TDRD9: variants seen among roughly 807,000 people sequenced by gnomAD.
TDRD9 encodes tudor domain containing 9, also known as ATP-dependent RNA helicase TDRD9.
TDRD9 carries 124 observed loss-of-function variants against 172.6 expected under a neutral mutation model. The observed-to-expected ratio is 0.72, with a 90% CI of 0.62 to 0.83. TDRD9 has a LOEUF of 0.83. TDRD9 is among the 40% of genes least tolerant of loss of function. The pLI is 0.00. For missense variants in TDRD9, 1,479 were observed against 1,714.1 expected, an observed-to-expected ratio of 0.86 and a Z score of 2.42; for synonymous variants, 619 against 617.1, an observed-to-expected ratio of 1.00 and a Z score of -0.05.
intron 7 of TDRD9, among the ~76,000 whole-genome samples, chr14:103,977,884 C>T (rs2033318883): frequency 6.6e-6 from 1 of 152,130 alleles, no homozygotes; most frequent in Admixed American, 6.6e-5. Context: ...TTTTCTGCAT[C>T]TGGATATCCA....
At chr14:104,022,353 A>C (rs981290271) in intron 24 of TDRD9, 23 bp downstream of exon 24, 7 of 1,606,152 alleles carry the variant, frequency 4.4e-6, no homozygotes, top group African/African-American at 2.7e-5. Flanking sequence ...GGGAGGTGGC[A>C]GACAGGCCGT....
At chr14:103,956,288 A>G (rs1177126031) in intron 2 of TDRD9, among the ~76,000 whole-genome samples, 1 of 150,778 alleles carries the variant, frequency 6.6e-6, no homozygotes, top group East Asian at 1.9e-4. Flanking sequence ...AAATACAAAA[A>G]TTAGCTGGGT....
chr14:103,929,556 G>T (rs2030228520), intron 1 of TDRD9, among the ~76,000 whole-genome samples: 1 of 151,240 alleles, frequency 6.6e-6, no homozygotes, highest in African/African-American at 2.4e-5. Flanking sequence ...GTCTCACTTT[G>T]TTACCCAGGC....
At chr14:104,042,209 G>T (rs758393947) in intron 34 of TDRD9, 22 bp downstream of exon 34, 2 of 1,520,716 alleles carry the variant, frequency 1.3e-6, no homozygotes, top group South Asian at 1.1e-5. Context: ...GATGACGCGG[G>T]CTTCTTTTCT....
chr14:103,957,973 A>G (rs2032327160), intron 2 of TDRD9, among the ~76,000 whole-genome samples: 1 of 152,184 alleles, frequency 6.6e-6, no homozygotes, highest in Admixed American at 6.5e-5. Context: ...TTCTCTGGGC[A>G]GTCGGATCAA....
intron 28 of TDRD9, among the ~76,000 whole-genome samples, chr14:104,029,386 A>T (rs1449878436): frequency 1.3e-5 from 2 of 152,080 alleles, no homozygotes; most frequent in African/African-American, 2.4e-5. Flanking sequence ...CATTATAGAG[A>T]TCATTCACCT....
At chr14:104,033,242 C>T (rs570582555) in intron 30 of TDRD9, among the ~76,000 whole-genome samples, 2 of 152,304 alleles carry the variant, frequency 1.3e-5, no homozygotes, top group East Asian at 3.9e-4. Context: ...CCCCTAGGGC[C>T]TTCCAAATGA....
chr14:104,006,330 A>AG (rs2034435585), intron 15 of TDRD9, 59 bp from the exon 16 acceptor site: 1 of 1,448,638 alleles, frequency 6.9e-7, no homozygotes, highest in Non-Finnish European at 9.5e-7. Flanking sequence ...CTCCACCTTA[A>AG]GGGGAAGAAG....
chr14:104,044,743 A>G (rs188401960), intron 34 of TDRD9, among the ~76,000 whole-genome samples: 2 of 152,376 alleles, frequency 1.3e-5, no homozygotes, highest in African/African-American at 2.4e-5. Context: ...GAAAGCTGCT[A>G]TGAATAGTCA....
In TDRD9 at chr14:104,040,244, G is replaced by A. The variant is rs543866438; in HGVS notation, c.3765G>A (p.Gly1255=). 9 of 1,551,064 alleles carry A rather than the reference G, an allele frequency of 5.8e-6. No individual in the cohort carries two copies. The highest frequency in any genetic ancestry group is 7.8e-6 in the Non-Finnish European group (9 of 1,146,688). The change falls in exon 33 of 36, where the codon GGG becomes GGA. Residue 1255 remains glycine, a synonymous_variant. Transcript: ENST00000409874. ...ATACTGGAGTCCTTTGTGGTTTGGG[G>A]TGGAATCCAGCTACAGGGGCTTCCA... ...KYYTGVLCGL[G]WNPATGASIL... is the part of the protein sequence containing the mutation.
At position 104,032,097 on chromosome 14, in the gene TDRD9, A is replaced by G; in HGVS notation, c.3509+10A>G. 2 of 1,530,226 alleles carry G rather than the reference A, an allele frequency of 1.3e-6. No individual in the cohort carries two copies. The highest frequency in any genetic ancestry group is 1.8e-6 in the Non-Finnish European group (2 of 1,136,216). 94.8% of individuals were successfully genotyped at this position (1,530,226 alleles called of 1,614,324 possible). ...GAATATCCAAATTCAGGTATGATTA[A>G]CTTAAGTTTTCCATGAATTTTTTTT... is the stretch of plus-strand genomic sequence containing the variant. On this transcript the variant is annotated intron_variant, in intron 30 of 35. Coordinates refer to ENST00000409874, the MANE Select transcript of TDRD9 (RefSeq NM_153046.3).
At chr14:104,039,978 T>G (rs1042222588) in intron 32 of TDRD9, among the ~76,000 whole-genome samples, 3 of 152,182 alleles carry the variant, frequency 2.0e-5, no homozygotes, top group Non-Finnish European at 2.9e-5. Flanking sequence ...ATACAAATTA[T>G]TAAGTATTAA....
At chr14:104,021,160 A>G (rs1025867446) in intron 23 of TDRD9, among the ~76,000 whole-genome samples, 3 of 152,170 alleles carry the variant, frequency 2.0e-5, no homozygotes, top group African/African-American at 7.2e-5. Flanking sequence ...CATTTCTTAC[A>G]TGGCTGGAGC....
chr14:103,988,262 C>T (rs1243852102), intron 8 of TDRD9, among the ~76,000 whole-genome samples: 2 of 152,072 alleles, frequency 1.3e-5, no homozygotes, highest in East Asian at 3.8e-4. Flanking sequence ...CAACCTCTGC[C>T]TCCTGGGTTC....
At chr14:104,024,495 A>G (rs548633574) in intron 24 of TDRD9, 74 bp from the exon 25 acceptor site, 1,019 of 765,188 alleles carry the variant, frequency 1.3e-3, no homozygotes, top group Non-Finnish European at 1.6e-3. Context: ...AGTTCAAGTG[A>G]TAATTTCACA....
chr14:103,966,301 A>T (rs1029106198), intron 4 of TDRD9, among the ~76,000 whole-genome samples: 20 of 152,278 alleles, frequency 1.3e-4, no homozygotes, highest in Admixed American at 1.3e-3. Flanking sequence ...ACTGCACTCC[A>T]ACTTGGGTGA....
chr14:103,954,866 T>G (rs2032118941), intron 1 of TDRD9, among the ~76,000 whole-genome samples: 1 of 152,012 alleles, frequency 6.6e-6, no homozygotes, highest in Admixed American at 6.6e-5. Flanking sequence ...TGACCTCAAG[T>G]GATCCGCCCG....
intron 31 of TDRD9, 33 bp downstream of exon 31, chr14:104,034,102 CTCT>C (rs2035370334): frequency 1.4e-6 from 2 of 1,389,240 alleles, no homozygotes; most frequent in South Asian, 2.5e-5. Flanking sequence ...TCCTTGTCCT[CTCT>C]TTTTTCTTTT....
chr14:104,026,165 A>G, intron 27 of TDRD9, 29 bp downstream of exon 27: 1 of 1,405,484 alleles, frequency 7.1e-7, no homozygotes, highest in Non-Finnish European at 1.0e-6. Flanking sequence ...TAGGGAATGA[A>G]TGCTGCATGC....
Sources: allele counts gnomAD v4.1 joint callset (sites outside exome capture counted in the v4.1 genomes callset), GRCh38; gene constraint gnomAD v4.1.1; transcripts MANE v1.5; gene names NCBI Gene and HGNC (gene_info 2026-07-23, HGNC 2026-07-21).